MAP3K4: variants seen among roughly 807,000 people sequenced by gnomAD.
MAP3K4 encodes the protein MAP three kinase 1.
Under a neutral mutation model 185.6 loss-of-function variants are expected in MAP3K4, and 67 were observed. The observed-to-expected ratio is 0.36, with a 90% CI of 0.30 to 0.44. MAP3K4 has a LOEUF of 0.44. Among genes scored for constraint, MAP3K4 ranks in the 20% least tolerant of loss-of-function variants. The probability of loss-of-function intolerance (pLI) is 1.00; values close to 1 mark genes in which losing one functional copy is unlikely to be tolerated. For missense variants in MAP3K4, 1,551 were observed against 1,995.1 expected (o/e 0.78, Z 4.24); for synonymous variants, 702 against 710.4 (o/e 0.99, Z 0.19).
At chr6:161,000,530 G>C (rs779684622) in intron 1 of MAP3K4, among the ~76,000 whole-genome samples, 6 of 152,198 alleles carry the variant, frequency 3.9e-5, no homozygotes, top group Non-Finnish European at 8.8e-5. Flanking sequence ...GTAAAGATCA[G>C]TTTAAAATCT....
chr6:161,096,861 G>T lies in MAP3K4; in HGVS notation c.3428-219G>T. 2 of 433,842 alleles carry T rather than the reference G, an allele frequency of 4.6e-6. No individual in the cohort carries two copies. The highest frequency in any genetic ancestry group is 8.2e-6 in the Non-Finnish European group (2 of 243,674). 26.9% of individuals were successfully genotyped at this position (433,842 alleles called of 1,614,324 possible). A position where few individuals can be genotyped will look rare whatever the true frequency, so the allele number is the denominator to read the frequency against. ...GGATTTTTAAAAATGTTTTTTGATG[G>T]AGAAAACTGTTAATATATAATAGGG... is the stretch of plus-strand genomic sequence containing the variant. On this transcript the variant is annotated intron_variant, in intron 15 of 26. Transcript: ENST00000392142. This position sits in a 1 kb window ranked among gnomAD's most constrained non-coding sequence, Gnocchi z 4.9.
Position 161,098,994 on chromosome 6 carries a change from C to G in MAP3K4, c.3674+567C>G, listed in dbSNP as rs183158727. Among the ~76,000 whole-genome samples the G allele has an allele frequency of 6.6e-6, 1 of 152,208 alleles. No homozygotes were observed. The highest frequency in any genetic ancestry group is 1.5e-5 in the Non-Finnish European group (1 of 68,042). On this transcript the variant is annotated intron_variant, in intron 17 of 26. Coordinates refer to ENST00000392142, the MANE Select transcript of MAP3K4 (RefSeq NM_005922.4). The surrounding 1 kb of genome is among the most constrained non-coding windows in gnomAD (Gnocchi z 4.4). The stretch of plus-strand genomic sequence containing the variant: ...GGCAAGCCCCAGAACAATTAAGTCT[C>G]GCATTGTCTTTTGTGTAAGTAAGGA...
At chr6:161,025,662 T>C (rs1317414561) in intron 1 of MAP3K4, among the ~76,000 whole-genome samples, 1 of 152,232 alleles carries the variant, frequency 6.6e-6, no homozygotes, top group East Asian at 1.9e-4. Context: ...GCCAATGATA[T>C]AGAATGTTTT....
intron 10 of MAP3K4, 34 bp from the exon 11 acceptor site, chr6:161,089,288 G>A: frequency 6.2e-7 from 1 of 1,601,642 alleles, no homozygotes; most frequent in Non-Finnish European, 8.5e-7. Context: ...TAACTGGGTT[G>A]GTTTTTATGT....
intron 3 of MAP3K4, among the ~76,000 whole-genome samples, chr6:161,065,049 A>G (rs1241147135): frequency 2.6e-5 from 4 of 152,170 alleles, no homozygotes; most frequent in South Asian, 4.1e-4. Flanking sequence ...CATGAGAGGT[A>G]TGAGGGTCAG....
chr6:161,041,314 T>C (rs1308714592), intron 2 of MAP3K4, among the ~76,000 whole-genome samples: 1 of 152,210 alleles, frequency 6.6e-6, no homozygotes, highest in Admixed American at 6.5e-5. Context: ...TAACTATCTC[T>C]TAACAGGAGC....
chr6:161,040,500 T>G (rs897144734), intron 2 of MAP3K4, among the ~76,000 whole-genome samples: 1 of 152,256 alleles, frequency 6.6e-6, no homozygotes, highest in Non-Finnish European at 1.5e-5. Flanking sequence ...GATTTTATTA[T>G]GTGCATGTGT....
chr6:161,100,781 G>C lies in MAP3K4; in HGVS notation c.3675-1111G>C, dbSNP rs573358883. Among the ~76,000 whole-genome samples the C allele has an allele frequency of 6.6e-6, 1 of 152,300 alleles. No individual in the cohort carries two copies. The highest frequency in any genetic ancestry group is 2.1e-4 in the South Asian group (1 of 4,826). On this transcript the variant is annotated intron_variant, in intron 17 of 26. Coordinates refer to ENST00000392142, the MANE Select transcript of MAP3K4 (RefSeq NM_005922.4). This position sits in a 1 kb window ranked among gnomAD's most constrained non-coding sequence, Gnocchi z 5.8. ...GTTTAGTGACTTCTTGGTCTCACCA[G>C]TGGTCTTTGTTGCTGCTTAGGAGTG...
At chr6:160,998,106 A>G (rs1257348711) in intron 1 of MAP3K4, among the ~76,000 whole-genome samples, 2 of 152,290 alleles carry the variant, frequency 1.3e-5, no homozygotes, top group Non-Finnish European at 2.9e-5. Context: ...TTCTGGTCTC[A>G]AAGAATTCTT....
intron 2 of MAP3K4, among the ~76,000 whole-genome samples, chr6:161,038,378 A>C (rs1783281870): frequency 6.6e-6 from 1 of 152,204 alleles, no homozygotes; most frequent in Non-Finnish European, 1.5e-5. Flanking sequence ...GACTCATAAT[A>C]ATATATTGGC....
At position 161,100,304 on chromosome 6, in the gene MAP3K4, C is replaced by T. The variant is rs949437459; in HGVS notation, c.3675-1588C>T. On this transcript the variant is annotated intron_variant, in intron 17 of 26. Coordinates refer to ENST00000392142, the MANE Select transcript of MAP3K4 (RefSeq NM_005922.4). This position sits in a 1 kb window ranked among gnomAD's most constrained non-coding sequence, Gnocchi z 5.8. The stretch of plus-strand genomic sequence containing the variant: ...TGTGCCACGGGGAGGCAGAATGACA[C>T]CAGTGTGTGCATCCCTGCCACAGCC... Among the ~76,000 whole-genome samples the T allele has an allele frequency of 2.6e-5, 4 of 152,228 alleles. No individual in the cohort carries two copies. The highest frequency in any genetic ancestry group is 2.1e-4 in the South Asian group (1 of 4,826).
At position 161,087,917 on chromosome 6, in the gene MAP3K4, C is replaced by T; in HGVS notation, c.2786C>T (p.Pro929Leu). The change falls in exon 10 of 27, where the codon CCT becomes CTT. Residue 929 changes from proline to leucine, a missense_variant. By Grantham distance (98) the Pro-to-Leu change is moderately conservative. This residue lies in a region of MAP3K4 where 261 missense variants were observed against 306.5 expected (regional missense o/e 0.85). Transcript: ENST00000392142. The surrounding 1 kb of genome is among the most constrained non-coding windows in gnomAD (Gnocchi z 4.9). ...TWEAQPVKVVPQVETVDTLRS... is the reference protein window; with the variant it reads ...TWEAQPVKVVLQVETVDTLRS... ...GAGGCACAGCCTGTCAAAGTCGTGC[C>T]TCAGGTGGAGACTGTTGACACCCTG... 3 of 1,614,070 alleles carry T rather than the reference C, an allele frequency of 1.9e-6. No individual in the cohort carries two copies. The highest frequency in any genetic ancestry group is 2.5e-6 in the Non-Finnish European group (3 of 1,180,002).
At chr6:161,059,760 A>G (rs186131423) in intron 3 of MAP3K4, among the ~76,000 whole-genome samples, 166 of 151,504 alleles carry the variant, frequency 1.1e-3, no homozygotes, top group African/African-American at 3.9e-3. Flanking sequence ...TATAATTGTC[A>G]TGGTTTTCTT....
At position 161,093,742 on chromosome 6, in the gene MAP3K4, T is replaced by C. The variant is rs952179601; in HGVS notation, c.3349-31T>C. 2.9e-6 allele frequency: 4 copies of C among 1,394,818 alleles called. No individual in the cohort carries two copies. The African/African-American group carries it at 4.3e-5, about 15-fold the overall frequency. The allele number at this position is 1,394,818 out of a possible 1,614,324, so 86.4% of individuals were successfully genotyped here. A position where few individuals can be genotyped will look rare whatever the true frequency, so the allele number is the denominator to read the frequency against. ...ATTAAGAAAGTATGCATGTTTTCTC[T>C]TTACCTTTCCCATTTTCTTTTGGTT... is the stretch of plus-strand genomic sequence containing the variant. On this transcript the variant is annotated intron_variant, in intron 14 of 26. Transcript: ENST00000392142. This position sits in a 1 kb window ranked among gnomAD's most constrained non-coding sequence, Gnocchi z 5.2.
At chr6:161,036,102 A>G (rs1783153476) in intron 2 of MAP3K4, among the ~76,000 whole-genome samples, 1 of 152,182 alleles carries the variant, frequency 6.6e-6, no homozygotes. Context: ...CAGTCACTAG[A>G]TGTTTGTTGA....
chr6:161,092,826 G>A, intron 13 of MAP3K4, 152 bp from the exon 14 acceptor site: 1 of 460,170 alleles, frequency 2.2e-6, no homozygotes, highest in African/African-American at 2.0e-5. Flanking sequence ...TTTCCAAAAG[G>A]TCACGCTGTA....
chr6:161,113,154 TAG>T (rs1778426404), intron 25 of MAP3K4, among the ~76,000 whole-genome samples: 1 of 152,174 alleles, frequency 6.6e-6, no homozygotes, highest in South Asian at 2.1e-4. Flanking sequence ...TGTTCTTCAG[TAG>T]ATTATTCATA....
intron 3 of MAP3K4, among the ~76,000 whole-genome samples, chr6:161,062,627 A>G (rs1362477675): frequency 6.6e-6 from 1 of 152,240 alleles, no homozygotes; most frequent in African/African-American, 2.4e-5. Context: ...TTGGCTGTCC[A>G]TAAAATCTTT....
chr6:161,035,862 G>A (rs1407475155), intron 2 of MAP3K4, among the ~76,000 whole-genome samples: 2 of 152,180 alleles, frequency 1.3e-5, no homozygotes, highest in African/African-American at 2.4e-5. Flanking sequence ...TTTAGAACAT[G>A]AGTTGAGAAC....
Sources: allele counts gnomAD v4.1 joint callset (sites outside exome capture counted in the v4.1 genomes callset), GRCh38; gene constraint gnomAD v4.1.1; regional missense constraint gnomAD v4.1.1; non-coding constraint Gnocchi (gnomAD v3.1); transcripts MANE v1.5; gene names NCBI Gene and HGNC (gene_info 2026-07-23, HGNC 2026-07-21).